PCDH15: variants seen among roughly 807,000 people sequenced by gnomAD.
PCDH15 encodes the protein protocadherin related 15, also known as protocadherin-15.
Under a neutral mutation model 178.5 loss-of-function variants are expected in PCDH15, and 129 were observed. The observed-to-expected ratio is 0.72, with a 90% CI of 0.63 to 0.84. The LOEUF is 0.84. PCDH15 is among the 40% of genes least tolerant of loss of function. PCDH15 has a pLI of 0.00. For synonymous variants in PCDH15, 800 were observed against 732.0 expected (o/e 1.09, Z -1.50); for missense variants, 2,230 against 2,099.9 (o/e 1.06, Z -1.21).
chr10:54,221,047 G>T (rs565219453), intron 9 of PCDH15, among the ~76,000 whole-genome samples: 143 of 151,942 alleles, frequency 9.4e-4, no homozygotes, highest in Non-Finnish European at 1.5e-3. Flanking sequence ...CAAAAAATTA[G>T]CCGGGCGAGG....
chr10:55,135,827 G>A (rs542894517), intron 2 of PCDH15, among the ~76,000 whole-genome samples: 7 of 151,684 alleles, frequency 4.6e-5, no homozygotes, highest in Admixed American at 1.3e-4. Context: ...AAGATGATCC[G>A]CCCACCTCAG....
intron 2 of PCDH15, among the ~76,000 whole-genome samples, chr10:55,575,166 C>A (rs1034812485): frequency 6.6e-6 from 1 of 152,064 alleles, no homozygotes; most frequent in African/African-American, 2.4e-5. Context: ...ATATTGATTT[C>A]TGTAACTTCC....
intron 2 of PCDH15, chr10:55,599,410 T>A (rs1241706766): frequency 2.0e-5 from 3 of 152,264 alleles, no homozygotes; most frequent in African/African-American, 7.2e-5. Flanking sequence ...ATAACCGTCC[T>A]ATAGAGAGTA....
At chr10:55,441,632 C>T (rs1839187398) in intron 2 of PCDH15, among the ~76,000 whole-genome samples, 2 of 152,112 alleles carry the variant, frequency 1.3e-5, no homozygotes, top group Admixed American at 1.3e-4. Context: ...GGAATCCTAC[C>T]ACATCTTCAG....
At chr10:54,929,344 G>A (rs1437340557) in intron 2 of PCDH15, among the ~76,000 whole-genome samples, 1 of 152,128 alleles carries the variant, frequency 6.6e-6, no homozygotes, top group Admixed American at 6.6e-5. Flanking sequence ...ACTTCAATGG[G>A]TGGTGTCAGA....
At chr10:55,575,223 G>C (rs967968280) in intron 2 of PCDH15, among the ~76,000 whole-genome samples, 1 of 151,974 alleles carries the variant, frequency 6.6e-6, no homozygotes, top group Admixed American at 6.6e-5. Context: ...GTCCAAATTT[G>C]ACATTTCCAG....
At chr10:55,483,274 A>G (rs1424718437) in intron 2 of PCDH15, among the ~76,000 whole-genome samples, 1 of 109,892 alleles carries the variant, frequency 9.1e-6, no homozygotes, top group African/African-American at 3.2e-5. Context: ...ACTTAAATAA[A>G]TTTTTACAAA....
chr10:54,961,565 A>T (rs1838655535), intron 2 of PCDH15, among the ~76,000 whole-genome samples: 2 of 152,184 alleles, frequency 1.3e-5, no homozygotes, highest in African/African-American at 4.8e-5. Context: ...ACCAATCAGC[A>T]TGCACTTCCT....
At chr10:54,528,391 C>G in intron 2 of PCDH15, 1 of 1,576,594 alleles carries the variant, frequency 6.3e-7, no homozygotes, top group Admixed American at 1.8e-5. Context: ...ATCTTACCCT[C>G]ATATTGCCAG....
rs11004082 is a variant in PCDH15 at position 54,118,608 on chromosome 10, C to T, written c.1917+14267G>A. On this transcript the variant is annotated intron_variant, in intron 15 of 37. Coordinates refer to ENST00000644397, the MANE Select transcript of PCDH15 (RefSeq NM_001384140.1). Reference sequence around the variant, plus strand: ...CCAGGAGGCAGAACTGGCAGTGAGTCGAGATTGTGCCACTGCACTCTAGCC... The same window carrying T: ...CCAGGAGGCAGAACTGGCAGTGAGTTGAGATTGTGCCACTGCACTCTAGCC... Among the ~76,000 whole-genome samples, 96 of 151,878 alleles carry T rather than the reference C, an allele frequency of 6.3e-4. 1 individual carries two copies. In the East Asian group the frequency reaches 0.017, roughly 27 times the overall value.
At chr10:55,526,235 C>T (rs1257332348) in intron 2 of PCDH15, among the ~76,000 whole-genome samples, 1 of 151,848 alleles carries the variant, frequency 6.6e-6, no homozygotes, top group Non-Finnish European at 1.5e-5. Context: ...ATAATCAACA[C>T]AATTCTATTT....
intron 13 of PCDH15, among the ~76,000 whole-genome samples, chr10:54,158,575 G>A (rs902093769): frequency 6.6e-6 from 1 of 152,114 alleles, no homozygotes; most frequent in African/African-American, 2.4e-5. Context: ...AATTTTGGCT[G>A]CAGTTTACTA....
At chr10:53,917,710 C>G (rs2083642571) in intron 25 of PCDH15, among the ~76,000 whole-genome samples, 2 of 152,152 alleles carry the variant, frequency 1.3e-5, no homozygotes, top group African/African-American at 2.4e-5. Context: ...AATGAACACA[C>G]TGATACGGTT....
Position 54,464,737 on chromosome 10 carries a change from C to A in PCDH15, c.157+63075G>T, listed in dbSNP as rs78912636. 8.4e-3 allele frequency among the ~76,000 whole-genome samples: 1,283 copies of A among 152,286 alleles called. 16 individuals are homozygous for A. Among genetic ancestry groups the A allele is most frequent in the African/African-American group, 0.028 (1,149 of 41,564 alleles). ...GATAGTAAAATACCATGTCTTCCCT[C>A]TCCGGTTGACCTTATTTCCAAGGTT... On this transcript the variant is annotated intron_variant, in intron 3 of 37. Transcript: ENST00000644397.
rs115424766 is a variant in PCDH15, at chr10:55,164,571, G to A, written c.-80+2005C>T. ...TGAAATAAGTATTGAGGATATTTCTGCAAAATTACCAAAGTTGTTCATAAT... is the reference window on the plus strand; with the variant it reads ...TGAAATAAGTATTGAGGATATTTCTACAAAATTACCAAAGTTGTTCATAAT... On this transcript the variant is annotated intron_variant, in intron 2 of 5. Transcript: ENST00000458638. Among the ~76,000 whole-genome samples, 425 of 151,984 alleles carry A rather than the reference G, an allele frequency of 2.8e-3. 2 individuals carry two copies. The highest frequency in any genetic ancestry group is 9.8e-3 in the African/African-American group (408 of 41,510).
At chr10:54,618,476 T>C (rs921806194) in intron 2 of PCDH15, among the ~76,000 whole-genome samples, 1 of 152,118 alleles carries the variant, frequency 6.6e-6, no homozygotes, top group Non-Finnish European at 1.5e-5. Context: ...TCAACATGAT[T>C]GCTGTGAGCA....
rs1032252218 is a variant in PCDH15, at chr10:55,029,008, G to A, written c.-79-131508C>T. 6.6e-5 allele frequency among the ~76,000 whole-genome samples: 10 copies of A among 151,744 alleles called. No homozygotes were observed. In the South Asian group the frequency reaches 2.1e-3, roughly 31 times the overall value. On this transcript the variant is annotated intron_variant, in intron 2 of 5. Transcript: ENST00000458638. Reference sequence around the variant, plus strand: ...TTTTTGAGTCTTTCCATAAACTTGGGAAACAATTAAAATATTATTAATACT... The same window carrying A: ...TTTTTGAGTCTTTCCATAAACTTGGAAAACAATTAAAATATTATTAATACT...
At chr10:54,145,264 T>A (rs1047741341) in intron 14 of PCDH15, among the ~76,000 whole-genome samples, 2 of 152,022 alleles carry the variant, frequency 1.3e-5, no homozygotes, top group Non-Finnish European at 2.9e-5. Context: ...TATAGAGGAT[T>A]GTATTATCTT....
intron 2 of PCDH15, among the ~76,000 whole-genome samples, chr10:55,389,403 C>A (rs78261708): frequency 1.3e-5 from 2 of 152,152 alleles, no homozygotes; most frequent in East Asian, 3.9e-4. Flanking sequence ...TAAAGTATGT[C>A]TCTGTTATAG....
Sources: gnomAD v4.1 joint callset for allele counts (sites outside exome capture counted in the v4.1 genomes callset) on GRCh38, gnomAD v4.1.1 for gene constraint, MANE v1.5 for transcripts, NCBI Gene and HGNC (gene_info 2026-07-23, HGNC 2026-07-21) for gene names.